The following PLEKHA8 variants were observed in gnomAD, a reference collection of about 807,000 sequenced individuals.
PLEKHA8 encodes the protein pleckstrin homology domain-containing family A member 8.
PLEKHA8 carries 36 observed loss-of-function variants against 68.2 expected under a neutral mutation model. The ratio of observed to expected loss-of-function variants is 0.53; its 90% confidence interval spans 0.40 to 0.70. The LOEUF is 0.70. Ranked by LOEUF, PLEKHA8 falls within the 30% of genes least tolerant of loss-of-function variation. The probability of loss-of-function intolerance (pLI) is 0.00; values close to 1 mark genes in which losing one functional copy is unlikely to be tolerated. For missense variants in PLEKHA8, 505 were observed against 615.4 expected (o/e 0.82, Z 1.90); for synonymous variants, 211 against 216.1 (o/e 0.98, Z 0.20).
chr7:30,028,907 TC>T (rs1562845178), intron 1 of PLEKHA8, 105 bp downstream of exon 1: 1 of 1,157,266 alleles, frequency 8.6e-7, no homozygotes, highest in Non-Finnish European at 1.1e-6. Flanking sequence ...CACGGCCCTT[TC>T]CTGAGGCCAG....
At chr7:30,109,120 C>G (rs1192266867) in intron 13 of PLEKHA8, among the ~76,000 whole-genome samples, 2 of 149,838 alleles carry the variant, frequency 1.3e-5, no homozygotes, top group African/African-American at 2.5e-5. Context: ...ATTGTTCACT[C>G]TCTCTCTTTC....
downstream of PLEKHA8, among the ~76,000 whole-genome samples, chr7:30,086,331 G>A (rs1054996285): frequency 1.7e-4 from 26 of 152,122 alleles, no homozygotes; most frequent in African/African-American, 4.6e-4. Context: ...CATCAATACC[G>A]CTGGAGCAGG....
Position 30,063,493 on chromosome 7 carries a change from A to T in PLEKHA8, c.1300+751A>T, listed in dbSNP as rs77506007. Among the ~76,000 whole-genome samples, 869 of 152,224 alleles carry T rather than the reference A, an allele frequency of 5.7e-3. 10 individuals are homozygous for T. The highest frequency in any genetic ancestry group is 0.019 in the African/African-American group (799 of 41,524). ...AGCATGGGCCATGAGGCGTGTGTGG[A>T]GAAAAAAATGAACTGTGACATAAAC... On this transcript the variant is annotated intron_variant, in intron 12 of 13. Coordinates refer to ENST00000449726, the MANE Select transcript of PLEKHA8 (RefSeq NM_001197026.2).
chr7:30,038,233 T>C (rs1056866638), intron 1 of PLEKHA8, among the ~76,000 whole-genome samples: 1 of 151,392 alleles, frequency 6.6e-6, no homozygotes. Flanking sequence ...AACAGTAGAA[T>C]ATTGCATTTT....
At chr7:30,121,239 T>C (rs1796691866) in intron 13 of PLEKHA8, among the ~76,000 whole-genome samples, 1 of 152,084 alleles carries the variant, frequency 6.6e-6, no homozygotes. Flanking sequence ...AAGTGGCAGC[T>C]CAGGGTAGAT....
chr7:30,082,253 C>A lies in PLEKHA8; in HGVS notation c.*3466C>A. The stretch of plus-strand genomic sequence containing the variant: ...GGGATTTCTGAACTCCATAGTCCAG[C>A]GTTGTTGCTTTTCTCTCTTCTTTGC... On this transcript the variant is annotated 3_prime_UTR_variant, in exon 14 of 14. Transcript: ENST00000449726. 1.0e-6 allele frequency: 1 copy of A among 985,458 alleles called. No individual in the cohort carries two copies. Among genetic ancestry groups the A allele is most frequent in the African/African-American group, 1.7e-5 (1 of 57,340 alleles). The allele number at this position is 985,458 out of a possible 1,614,324, so 61.0% of individuals were successfully genotyped here.
In PLEKHA8 at chr7:30,069,260, C is replaced by T. The variant is rs145475646; in HGVS notation, c.1301-4811C>T. ...ATCTCCTGGTTCCTAATTCTTGCCTCAGAACTGTCTAGTTGAGCACATTTG... is the reference window on the plus strand; with the variant it reads ...ATCTCCTGGTTCCTAATTCTTGCCTTAGAACTGTCTAGTTGAGCACATTTG... On this transcript the variant is annotated intron_variant, in intron 12 of 13. Coordinates refer to ENST00000449726, the MANE Select transcript of PLEKHA8 (RefSeq NM_001197026.2). Among the ~76,000 whole-genome samples the T allele has an allele frequency of 9.8e-5, 15 of 152,354 alleles. No individual in the cohort carries two copies. In the South Asian group the frequency reaches 2.3e-3, roughly 23 times the overall value.
chr7:30,098,075 G>A (rs914248543), intron 13 of PLEKHA8, among the ~76,000 whole-genome samples: 1 of 152,228 alleles, frequency 6.6e-6, no homozygotes, highest in African/African-American at 2.4e-5. Flanking sequence ...GTCTGTTGGA[G>A]TTTGCTGGAG....
At chr7:30,032,996 C>A (rs991801091) in intron 1 of PLEKHA8, among the ~76,000 whole-genome samples, 5 of 152,164 alleles carry the variant, frequency 3.3e-5, no homozygotes, top group Non-Finnish European at 7.4e-5. Flanking sequence ...AATTTTGTTT[C>A]CCCTCAGGTG....
chr7:30,110,180 A>G (rs1397172303), intron 13 of PLEKHA8, among the ~76,000 whole-genome samples: 1 of 151,750 alleles, frequency 6.6e-6, no homozygotes, highest in South Asian at 2.1e-4. Context: ...GTCACCCCCC[A>G]TTCCTCCCTC....
intron 1 of PLEKHA8, among the ~76,000 whole-genome samples, chr7:30,029,241 C>T (rs908318718): frequency 5.9e-5 from 9 of 152,168 alleles, no homozygotes; most frequent in Admixed American, 4.6e-4. Flanking sequence ...CGGAAAGATC[C>T]TTTATCAAAG....
At chr7:30,056,329 TATAAATAA>T (rs1562870077) in intron 9 of PLEKHA8, among the ~76,000 whole-genome samples, 52 of 134,890 alleles carry the variant, frequency 3.9e-4, no homozygotes, top group African/African-American at 1.1e-3. Context: ...TATATATATA[TATAAATAA>T]CATATATATA....
At chr7:30,114,573 G>T (rs940837808) in intron 13 of PLEKHA8, among the ~76,000 whole-genome samples, 8 of 152,062 alleles carry the variant, frequency 5.3e-5, no homozygotes, top group Non-Finnish European at 1.2e-4. Context: ...CTTTCCAATT[G>T]TCATTCTATT....
At chr7:30,127,464 T>C (rs1302522679) in intron 13 of PLEKHA8, among the ~76,000 whole-genome samples, 3 of 152,246 alleles carry the variant, frequency 2.0e-5, no homozygotes, top group Non-Finnish European at 2.9e-5. Context: ...GTTAACTTTG[T>C]AAGTGATTAA....
chr7:30,105,744 C>T (rs1796031510), intron 13 of PLEKHA8, among the ~76,000 whole-genome samples: 1 of 152,140 alleles, frequency 6.6e-6, no homozygotes, highest in Non-Finnish European at 1.5e-5. Flanking sequence ...AAGAGTTTTC[C>T]TCCAGGTATT....
chr7:30,073,987 T>TA, intron 12 of PLEKHA8, 84 bp from the exon 13 acceptor site: 101 of 1,177,240 alleles, frequency 8.6e-5, no homozygotes, highest in South Asian at 1.3e-4. Flanking sequence ...CCCTGTCTCT[T>TA]TAAAAAAAAA....
chr7:30,071,071 AC>A (rs1794205266), intron 12 of PLEKHA8, among the ~76,000 whole-genome samples: 1 of 152,160 alleles, frequency 6.6e-6, no homozygotes, highest in Non-Finnish European at 1.5e-5. Context: ...TTTCCTGAAT[AC>A]CCACTGTGGT....
In PLEKHA8 at chr7:30,056,346, TAATATATATAACAC is replaced by T. The variant is rs1792914525; in HGVS notation, c.1039+1006_1039+1019del. Among the ~76,000 whole-genome samples, 380 of 128,590 alleles carry T rather than the reference TAATATATATAACAC, an allele frequency of 3.0e-3. 2 individuals carry two copies. Among genetic ancestry groups the T allele is most frequent in the African/African-American group, 5.9e-3 (202 of 34,228 alleles). 84.4% of individuals were successfully genotyped at this position (128,590 alleles called of 152,430 possible). A position where few individuals can be genotyped will look rare whatever the true frequency, so the allele number is the denominator to read the frequency against. Reference sequence around the variant, plus strand: ...TATATATATATAAATAACATATATATAATATATATAACACATATATATATAAATAACATATATAT... The same window carrying T: ...TATATATATATAAATAACATATATATATATATATATAAATAACATATATAT... On this transcript the variant is annotated intron_variant, in intron 9 of 13. Transcript: ENST00000449726.
At chr7:30,061,009 C>T (rs1793391035) in intron 10 of PLEKHA8, 67 bp downstream of exon 10, 3 of 1,473,536 alleles carry the variant, frequency 2.0e-6, no homozygotes, top group African/African-American at 1.4e-5. Flanking sequence ...CATTTTTGTG[C>T]TTGGCCAGAA....
Sources: gnomAD v4.1 joint callset for allele counts (sites outside exome capture counted in the v4.1 genomes callset) on GRCh38, gnomAD v4.1.1 for gene constraint, MANE v1.5 for transcripts, NCBI Gene and HGNC (gene_info 2026-07-23, HGNC 2026-07-21) for gene names.